PLCB1: variants seen among roughly 807,000 people sequenced by gnomAD.
The protein encoded by PLCB1 is phospholipase C beta 1.
PLCB1 carries 46 observed loss-of-function variants against 161.8 expected under a neutral mutation model. The ratio of observed to expected loss-of-function variants is 0.28; its 90% confidence interval spans 0.22 to 0.36. PLCB1 has a LOEUF of 0.36. Among genes scored for constraint, PLCB1 ranks in the 10% least tolerant of loss-of-function variants. The probability of loss-of-function intolerance (pLI) is 1.00; values close to 1 mark genes in which losing one functional copy is unlikely to be tolerated. For missense variants in PLCB1, 1,016 were observed against 1,472.5 expected, an observed-to-expected ratio of 0.69 and a Z score of 5.07; for synonymous variants, 517 against 503.7, an observed-to-expected ratio of 1.03 and a Z score of -0.35.
At chr20:8,441,601 C>T (rs1336950915) in intron 3 of PLCB1, among the ~76,000 whole-genome samples, 2 of 152,048 alleles carry the variant, frequency 1.3e-5, no homozygotes, top group East Asian at 1.9e-4. Context: ...TTTGCATGAA[C>T]GCTAGGGACT....
At chr20:8,445,994 C>T (rs956247242) in intron 3 of PLCB1, among the ~76,000 whole-genome samples, 3 of 152,092 alleles carry the variant, frequency 2.0e-5, no homozygotes, top group Non-Finnish European at 4.4e-5. Context: ...AGGAGCTGGT[C>T]CCATTCCTTC....
intron 31 of PLCB1, among the ~76,000 whole-genome samples, chr20:8,868,934 A>G (rs1987519719): frequency 6.6e-6 from 1 of 152,156 alleles, no homozygotes; most frequent in Non-Finnish European, 1.5e-5. Context: ...GCACCTGGCC[A>G]GGAGGCAAGA....
intron 11 of PLCB1, among the ~76,000 whole-genome samples, chr20:8,700,169 G>A (rs1034368741): frequency 1.3e-5 from 2 of 152,168 alleles, no homozygotes; most frequent in Non-Finnish European, 2.9e-5. Flanking sequence ...CAGACAGCAC[G>A]CCCTGATGGA....
intron 3 of PLCB1, among the ~76,000 whole-genome samples, chr20:8,602,016 A>G (rs1220322871): frequency 6.6e-6 from 1 of 152,084 alleles, no homozygotes; most frequent in Non-Finnish European, 1.5e-5. Context: ...TGGCTTCCAC[A>G]TTTTAGGATA....
chr20:8,248,011 T>A (rs773206429), intron 2 of PLCB1, among the ~76,000 whole-genome samples: 40 of 152,062 alleles, frequency 2.6e-4, no homozygotes, highest in Non-Finnish European at 5.6e-4. Flanking sequence ...ACTAGTCCTC[T>A]GTCCTAGATT....
chr20:8,786,942 C>T (rs1188012208), intron 27 of PLCB1, among the ~76,000 whole-genome samples: 3 of 151,982 alleles, frequency 2.0e-5, no homozygotes, highest in Non-Finnish European at 4.4e-5. Context: ...TGACCTCAAG[C>T]GATCCACCTG....
chr20:8,805,251 AC>A (rs1220852097), intron 31 of PLCB1, among the ~76,000 whole-genome samples: 2 of 152,208 alleles, frequency 1.3e-5, no homozygotes, highest in Non-Finnish European at 2.9e-5. Flanking sequence ...AACTGTGGTA[AC>A]CCATTTTTTA....
intron 3 of PLCB1, among the ~76,000 whole-genome samples, chr20:8,432,894 G>A (rs1228556541): frequency 6.6e-6 from 1 of 152,190 alleles, no homozygotes; most frequent in African/African-American, 2.4e-5. Context: ...TGAACTCCAT[G>A]CCTGGATGAT....
intron 31 of PLCB1, among the ~76,000 whole-genome samples, chr20:8,831,957 T>TCTTA (rs1986025939): frequency 8.2e-6 from 1 of 121,794 alleles, no homozygotes; most frequent in South Asian, 2.8e-4. Context: ...TTTCTTTCTT[T>TCTTA]CTTTCTTTCT....
At chr20:8,563,218 G>A (rs943531850) in intron 3 of PLCB1, among the ~76,000 whole-genome samples, 1 of 152,006 alleles carries the variant, frequency 6.6e-6, no homozygotes. Flanking sequence ...AGAATTAGGA[G>A]CAAGTAATTG....
chr20:8,334,833 C>A (rs886276392), intron 2 of PLCB1, among the ~76,000 whole-genome samples: 2 of 152,130 alleles, frequency 1.3e-5, no homozygotes, highest in Non-Finnish European at 1.5e-5. Context: ...CTACCTCTGC[C>A]CCATGCTTTT....
chr20:8,668,237 T>A (rs1056893658), intron 9 of PLCB1, among the ~76,000 whole-genome samples: 1 of 151,858 alleles, frequency 6.6e-6, no homozygotes, highest in African/African-American at 2.4e-5. Context: ...TGTACCATAG[T>A]AGGGAATCCT....
rs1327121503 is a variant in PLCB1, at chr20:8,276,983, C to CTTATTATTA, written c.178-94397_178-94396insATTATTATT. 4.6e-3 allele frequency among the ~76,000 whole-genome samples: 451 copies of CTTATTATTA among 99,118 alleles called. 1 individual carries two copies. Among genetic ancestry groups the CTTATTATTA allele is most frequent in the East Asian group, 0.01 (31 of 3,094 alleles). The allele number at this position is 99,118 out of a possible 152,430, so 65.0% of individuals were successfully genotyped here. On this transcript the variant is annotated intron_variant, in intron 2 of 31. Coordinates refer to ENST00000338037, the MANE Select transcript of PLCB1 (RefSeq NM_015192.4). Reference sequence around the variant, plus strand: ...TCTTCTTCTTCTTCTTCTTCTTCTTCTTCTTATTATTATTATTATTATTAT... The same window carrying CTTATTATTA: ...TCTTCTTCTTCTTCTTCTTCTTCTTCTTATTATTATTCTTATTATTATTATTATTATTAT...
At chr20:8,684,882 A>C in intron 9 of PLCB1, 50 bp from the exon 10 acceptor site, 2 of 1,455,848 alleles carry the variant, frequency 1.4e-6, no homozygotes, top group Admixed American at 2.1e-5. Context: ...AGGCGACTTG[A>C]CACCCATAAA....
intron 31 of PLCB1, among the ~76,000 whole-genome samples, chr20:8,842,864 G>T (rs745727172): frequency 6.6e-6 from 1 of 152,154 alleles, no homozygotes; most frequent in Non-Finnish European, 1.5e-5. Flanking sequence ...CCCAGGGCGC[G>T]GTGCTGGGCT....
chr20:8,859,254 A>G (rs1987173774), intron 31 of PLCB1, among the ~76,000 whole-genome samples: 1 of 152,276 alleles, frequency 6.6e-6, no homozygotes, highest in Admixed American at 6.5e-5. Context: ...ATTTATAAAT[A>G]ACATCTGCTC....
intron 4 of PLCB1, among the ~76,000 whole-genome samples, chr20:8,633,846 G>GT (rs1448952395): frequency 1.3e-5 from 2 of 151,964 alleles, no homozygotes; most frequent in African/African-American, 4.8e-5. Context: ...AGTCTTACCT[G>GT]TTTTTAAAAT....
chr20:8,322,184 CA>C (rs1195269116), intron 2 of PLCB1, among the ~76,000 whole-genome samples: 1 of 152,084 alleles, frequency 6.6e-6, no homozygotes, highest in East Asian at 1.9e-4. Flanking sequence ...TATTCCTGCT[CA>C]CCTGTCATTG....
At position 8,197,657 on chromosome 20, in the gene PLCB1, A is replaced by G. The variant is rs575744106; in HGVS notation, c.177+47286A>G. 8.5e-5 allele frequency among the ~76,000 whole-genome samples: 13 copies of G among 152,200 alleles called. No homozygotes were observed. The South Asian group carries it at 1.5e-3, about 17-fold the overall frequency. On this transcript the variant is annotated intron_variant, in intron 2 of 31. Transcript: ENST00000338037. Reference sequence around the variant, plus strand: ...TTCTTTTGCTGTGCAGAAACTCTTTAGTTTCATTAGATCCCATTTGTCAAT... The same window carrying G: ...TTCTTTTGCTGTGCAGAAACTCTTTGGTTTCATTAGATCCCATTTGTCAAT...
Sources: allele counts gnomAD v4.1 joint callset (sites outside exome capture counted in the v4.1 genomes callset), GRCh38; gene constraint gnomAD v4.1.1; transcripts MANE v1.5; gene names NCBI Gene and HGNC (gene_info 2026-07-23, HGNC 2026-07-21).